The following ZNF266 variants were observed in gnomAD, a reference collection of about 807,000 sequenced individuals.
The protein encoded by ZNF266 is zinc finger protein 1.
In ZNF266, 16 loss-of-function variants were observed where a neutral mutation model predicts 16.4. The ratio of observed to expected loss-of-function variants is 0.98; its 90% CI spans 0.66 to 1.48. The LOEUF (loss-of-function observed/expected upper bound fraction) is 1.48. Among genes scored for constraint, ZNF266 ranks in the 40% most tolerant of loss-of-function variants. The pLI is 0.00. For synonymous variants in ZNF266, 262 were observed against 237.9 expected, an observed-to-expected ratio of 1.10 and a Z score of -0.93; for missense variants, 738 against 689.1, an observed-to-expected ratio of 1.07 and a Z score of -0.79.
At chr19:9,420,786 A>G (rs909714916) in intron 5 of ZNF266, 1 of 152,176 alleles carries the variant, frequency 6.6e-6, no homozygotes, top group African/African-American at 2.4e-5. Context: ...AAAGAAAAAA[A>G]AGAAAACCTA....
At chr19:9,431,548 C>T (rs899601130) in intron 5 of ZNF266, among the ~76,000 whole-genome samples, 9 of 152,206 alleles carry the variant, frequency 5.9e-5, no homozygotes, top group African/African-American at 2.2e-4. Context: ...CATAGCTGCC[C>T]ATCACCATCA....
chr19:9,434,470 G>C (rs1475798602), intron 3 of ZNF266, among the ~76,000 whole-genome samples: 1 of 152,118 alleles, frequency 6.6e-6, no homozygotes, highest in Non-Finnish European at 1.5e-5. Context: ...ACACGGCACA[G>C]AATACAATCA....
Position 9,417,808 on chromosome 19 carries a change from G to C in ZNF266, c.316+20C>G. 1 of 1,606,462 alleles carries C rather than the reference G, an allele frequency of 6.2e-7. No individual in the cohort carries two copies. The highest frequency in any genetic ancestry group is 8.5e-7 in the Non-Finnish European group (1 of 1,173,468). On this transcript the variant is annotated intron_variant, in intron 9 of 10. Coordinates refer to ENST00000592904, the MANE Select transcript of ZNF266 (RefSeq NM_001370374.1). ...ACATACTGAACTTATTGACCAGGGC[G>C]GTCCTTTGTGAACACTCACCTTGGA...
At chr19:9,427,517 G>A (rs1380514345) in intron 5 of ZNF266, among the ~76,000 whole-genome samples, 5 of 151,938 alleles carry the variant, frequency 3.3e-5, no homozygotes, top group African/African-American at 9.7e-5. Flanking sequence ...AGTAGAGACA[G>A]GGTTTCAGCA....
chr19:9,414,369 A>T lies in ZNF266; in HGVS notation c.757T>A (p.Trp253Arg), dbSNP rs902699134. ...RTHNGESLHE[W>R]KECGRGFIHS... ...ATAAAGCCTCTCCCACATTCCTTCCATTCATGGAGACTTTCTCCATTGTGA... is the reference window on the plus strand; with the variant it reads ...ATAAAGCCTCTCCCACATTCCTTCCTTTCATGGAGACTTTCTCCATTGTGA... The change falls in exon 11 of 11, where the codon TGG (tryptophan) becomes AGG (arginine). Residue 253 changes from tryptophan to arginine, a missense_variant. Coordinates refer to ENST00000592904, the MANE Select transcript of ZNF266 (RefSeq NM_001370374.1). The T allele has an allele frequency of 6.2e-7, 1 of 1,614,200 alleles. No homozygotes were observed. Among genetic ancestry groups the T allele is most frequent in the South Asian group, 1.1e-5 (1 of 91,084 alleles).
chr19:9,423,189 G>A (rs1298133402), intron 5 of ZNF266, among the ~76,000 whole-genome samples: 1 of 152,126 alleles, frequency 6.6e-6, no homozygotes, highest in Non-Finnish European at 1.5e-5. Context: ...TTACTGCTGG[G>A]CCTAATCTCC....
In ZNF266 at chr19:9,433,762, G is replaced by C; in HGVS notation, c.-224C>G. The stretch of plus-strand genomic sequence containing the variant: ...GAGGTCAGGAGTCTGAGACCAGACT[G>C]GCCAACATGCTGAAACCATCTCTAC... On this transcript the variant is annotated 5_prime_UTR_variant, in exon 5 of 11. Coordinates refer to ENST00000592904, the MANE Select transcript of ZNF266 (RefSeq NM_001370374.1). 6.6e-6 allele frequency: 1 copy of C among 150,392 alleles called. No individual in the cohort carries two copies. Among genetic ancestry groups the C allele is most frequent in the Non-Finnish European group, 1.5e-5 (1 of 67,830 alleles). 9.3% of individuals were successfully genotyped at this position (150,392 alleles called of 1,614,324 possible).
At chr19:9,428,467 G>C (rs1262838601) in intron 5 of ZNF266, among the ~76,000 whole-genome samples, 1 of 152,176 alleles carries the variant, frequency 6.6e-6, no homozygotes, top group Non-Finnish European at 1.5e-5. Flanking sequence ...AACACTAATG[G>C]GAGTTCATAG....
intron 5 of ZNF266, among the ~76,000 whole-genome samples, chr19:9,428,465 T>C (rs1201284521): frequency 1.3e-5 from 2 of 152,218 alleles, no homozygotes. Flanking sequence ...TGAACACTAA[T>C]GGGAGTTCAT....
At chr19:9,417,959 T>C (rs1555750544) in intron 8 of ZNF266, 51 bp from the exon 9 acceptor site, 2 of 1,554,248 alleles carry the variant, frequency 1.3e-6, no homozygotes, top group South Asian at 1.1e-5. Context: ...CAAGAGATGA[T>C]AAATCTTTCC....
intron 5 of ZNF266, among the ~76,000 whole-genome samples, chr19:9,424,574 A>G (rs1290738890): frequency 6.6e-6 from 1 of 152,270 alleles, no homozygotes; most frequent in Non-Finnish European, 1.5e-5. Context: ...GAGCAGTGAC[A>G]GAAACAAGAA....
chr19:9,423,640 G>A (rs746196334), intron 5 of ZNF266, among the ~76,000 whole-genome samples: 14 of 152,114 alleles, frequency 9.2e-5, no homozygotes, highest in Non-Finnish European at 1.6e-4. Flanking sequence ...CAAGGTGTAC[G>A]CTTTGAGTCA....
intron 5 of ZNF266, among the ~76,000 whole-genome samples, chr19:9,429,685 A>AT (rs1469967845): frequency 6.6e-6 from 1 of 151,974 alleles, no homozygotes; most frequent in Non-Finnish European, 1.5e-5. Context: ...GACACAGAAC[A>AT]TTTTTTTCTT....
In ZNF266 at chr19:9,413,822, G is replaced by T. The variant is rs1297677280; in HGVS notation, c.1304C>A (p.Thr435Asn). The T allele has an allele frequency of 1.2e-6, 2 of 1,614,024 alleles. No homozygotes were observed. Among genetic ancestry groups the T allele is most frequent in the Non-Finnish European group, 1.7e-6 (2 of 1,179,972 alleles). ...GKAFTQNSDL[T>N]KHARTHSGER... ...TCCACTGTGAGTTCGTGCATGCTTA[G>T]TAAGGTCTGAGTTCTGAGTGAAGGC... Residue 435 changes from threonine to asparagine, a missense_variant, in exon 11 of 11, where the codon ACT becomes AAT. Coordinates refer to ENST00000592904, the MANE Select transcript of ZNF266 (RefSeq NM_001370374.1).
chr19:9,417,994 T>C, intron 8 of ZNF266, 86 bp from the exon 9 acceptor site: 4 of 1,317,720 alleles, frequency 3.0e-6, no homozygotes, highest in Non-Finnish European at 4.3e-6. Flanking sequence ...ATAGTTCCAA[T>C]GGAAGCAGTG....
At chr19:9,428,189 T>C (rs2071047092) in intron 5 of ZNF266, among the ~76,000 whole-genome samples, 1 of 152,158 alleles carries the variant, frequency 6.6e-6, no homozygotes, top group African/African-American at 2.4e-5. Flanking sequence ...ACAGAGGATC[T>C]CACAGACCTG....
intron 5 of ZNF266, among the ~76,000 whole-genome samples, chr19:9,421,649 G>A (rs918105180): frequency 7.2e-5 from 11 of 152,036 alleles, no homozygotes; most frequent in Non-Finnish European, 1.3e-4. Context: ...CTCATCTCTC[G>A]CAAATGTACA....
chr19:9,421,937 C>T (rs1391483017), intron 5 of ZNF266, among the ~76,000 whole-genome samples: 1 of 152,050 alleles, frequency 6.6e-6, no homozygotes, highest in Non-Finnish European at 1.5e-5. Context: ...CTGCAAGCTC[C>T]GCCTCCAGGT....
intron 5 of ZNF266, among the ~76,000 whole-genome samples, chr19:9,423,833 T>C (rs2070301408): frequency 6.6e-6 from 1 of 152,008 alleles, no homozygotes; most frequent in Admixed American, 6.6e-5. Context: ...CCGTCTCTAC[T>C]AAAAACACGA....
Sources: gnomAD v4.1 joint callset for allele counts (sites outside exome capture counted in the v4.1 genomes callset) on GRCh38, gnomAD v4.1.1 for gene constraint, MANE v1.5 for transcripts, NCBI Gene and HGNC (gene_info 2026-07-23, HGNC 2026-07-21) for gene names.